CCDC69: variants seen among roughly 807,000 people sequenced by gnomAD.
CCDC69 encodes coiled-coil domain-containing protein 69.
In CCDC69, 38 loss-of-function variants were observed where a neutral mutation model predicts 40.3. The observed-to-expected ratio is 0.94, with a 90% CI of 0.73 to 1.24. The LOEUF (loss-of-function observed/expected upper bound fraction) is 1.24, where lower values mean the gene tolerates loss of function less well. CCDC69 is among the 50% of genes most tolerant of loss of function. The probability of loss-of-function intolerance (pLI) is 0.00; values close to 1 mark genes in which losing one functional copy is unlikely to be tolerated. For missense variants in CCDC69, 389 were observed against 357.9 expected, an observed-to-expected ratio of 1.09 and a Z score of -0.70; for synonymous variants, 141 against 138.9, an observed-to-expected ratio of 1.02 and a Z score of -0.11.
intron 4 of CCDC69, among the ~76,000 whole-genome samples, chr5:151,194,694 A>G (rs150984922): frequency 6.6e-6 from 1 of 152,144 alleles, no homozygotes; most frequent in African/African-American, 2.4e-5. Context: ...GGAGTTGAAG[A>G]CCAGCCTGAC....
chr5:151,206,875 C>A (rs1045809551), intron 1 of CCDC69, among the ~76,000 whole-genome samples: 3 of 151,856 alleles, frequency 2.0e-5, no homozygotes, highest in Non-Finnish European at 4.4e-5. Flanking sequence ...TGTGATCTAC[C>A]CGCCTCAGCC....
chr5:151,198,222 G>C, intron 4 of CCDC69, among the ~76,000 whole-genome samples: 1 of 152,094 alleles, frequency 6.6e-6, no homozygotes, highest in East Asian at 1.9e-4. Flanking sequence ...ACTTCTTCAA[G>C]GTTACAGAGC....
chr5:151,198,777 A>C, intron 4 of CCDC69: 3 of 454,352 alleles, frequency 6.6e-6, no homozygotes, highest in Non-Finnish European at 1.2e-5. Flanking sequence ...ATACCTCTCA[A>C]ATAAGGAAAA....
intron 2 of CCDC69, among the ~76,000 whole-genome samples, chr5:151,203,434 T>C (rs1050415205): frequency 1.3e-5 from 2 of 151,052 alleles, no homozygotes; most frequent in African/African-American, 4.9e-5. Context: ...TGCTTGAACC[T>C]GGGAGGCGGA....
chr5:151,198,996 C>T lies in CCDC69; in HGVS notation c.319+1G>A, dbSNP rs1158615426. The T allele has an allele frequency of 1.2e-6, 2 of 1,613,342 alleles. No homozygotes were observed. On this transcript the variant is annotated splice_donor_variant, in intron 4 of 8. Coordinates refer to ENST00000355417, the MANE Select transcript of CCDC69 (RefSeq NM_015621.3). LOFTEE classifies it high-confidence loss of function. ...GGCCAGTGGAACATCTCTACCCTTA[C>T]CTTGCAGGGCCTCTTCATTCTTTCC...
intron 1 of CCDC69, among the ~76,000 whole-genome samples, chr5:151,216,675 C>T (rs1471580207): frequency 6.6e-6 from 1 of 152,090 alleles, no homozygotes; most frequent in Non-Finnish European, 1.5e-5. Flanking sequence ...CTCAGTCTCC[C>T]AAAGTGCAGG....
intron 4 of CCDC69, among the ~76,000 whole-genome samples, chr5:151,197,753 G>A (rs1752720278): frequency 6.6e-6 from 1 of 152,194 alleles, no homozygotes; most frequent in Non-Finnish European, 1.5e-5. Context: ...ATGTGACAAA[G>A]ATGTTATAAA....
chr5:151,194,891 C>CA (rs59836328), intron 4 of CCDC69, among the ~76,000 whole-genome samples: 23,004 of 92,138 alleles, frequency 0.25, 2,967 homozygotes, highest in African/African-American at 0.32. Context: ...GCCTCCATCT[C>CA]AAAAAAAAAA....
intron 1 of CCDC69, 99 bp from the exon 2 acceptor site, chr5:151,205,574 C>T: frequency 1.0e-6 from 1 of 959,274 alleles, no homozygotes; most frequent in Non-Finnish European, 1.7e-6. Context: ...CAAGGCAGGA[C>T]CTTCAGTTAC....
intron 1 of CCDC69, among the ~76,000 whole-genome samples, chr5:151,209,907 T>C (rs1208089078): frequency 3.9e-5 from 6 of 152,180 alleles, no homozygotes; most frequent in Non-Finnish European, 7.3e-5. Flanking sequence ...AAATTATTTA[T>C]AAACATCTTC....
intron 4 of CCDC69, among the ~76,000 whole-genome samples, chr5:151,192,936 A>T (rs529435839): frequency 3.9e-5 from 6 of 152,342 alleles, no homozygotes; most frequent in South Asian, 2.1e-4. Context: ...AAAATAAAAA[A>T]TACCAAACAA....
At chr5:151,191,357 A>T (rs248436) in intron 4 of CCDC69, among the ~76,000 whole-genome samples, 7 of 152,070 alleles carry the variant, frequency 4.6e-5, no homozygotes, top group Non-Finnish European at 1.0e-4. Context: ...CTGAATACTA[A>T]CATTAACCAA....
intron 5 of CCDC69, among the ~76,000 whole-genome samples, chr5:151,187,142 T>C (rs558950151): frequency 6.6e-6 from 1 of 152,326 alleles, no homozygotes; most frequent in South Asian, 2.1e-4. Flanking sequence ...ACTTGGCCCA[T>C]GCCTCTCCAA....
intron 1 of CCDC69, among the ~76,000 whole-genome samples, chr5:151,208,609 T>A (rs1303485202): frequency 1.3e-5 from 2 of 152,212 alleles, no homozygotes; most frequent in African/African-American, 4.8e-5. Flanking sequence ...GGAGGAAGCC[T>A]GGTCCAGGCA....
intron 4 of CCDC69, among the ~76,000 whole-genome samples, chr5:151,195,491 C>T (rs1171493054): frequency 1.3e-5 from 2 of 151,996 alleles, no homozygotes; most frequent in African/African-American, 2.4e-5. Flanking sequence ...GAGGCCGAGG[C>T]AGGCGGATTA....
chr5:151,199,256 G>A lies in CCDC69; in HGVS notation c.232-172C>T, dbSNP rs1397684353. On this transcript the variant is annotated intron_variant, in intron 3 of 8. Coordinates refer to ENST00000355417, the MANE Select transcript of CCDC69 (RefSeq NM_015621.3). ...ACAAGACTTCCAAGACACAGCAAGC[G>A]TGGCAGAATTTGCCTTCTTTAGGGT... Among the ~76,000 whole-genome samples, 6 of 152,148 alleles carry A rather than the reference G, an allele frequency of 3.9e-5. 1 individual carries two copies. Among genetic ancestry groups the A allele is most frequent in the Non-Finnish European group, 5.9e-5 (4 of 68,032 alleles).
chr5:151,206,653 T>C (rs1752856926), intron 1 of CCDC69, among the ~76,000 whole-genome samples: 4 of 151,776 alleles, frequency 2.6e-5, no homozygotes, highest in Admixed American at 2.6e-4. Flanking sequence ...TGATCTCGGC[T>C]CACTGCAACC....
At chr5:151,189,115 T>A (rs1005550008) in intron 4 of CCDC69, among the ~76,000 whole-genome samples, 5 of 152,236 alleles carry the variant, frequency 3.3e-5, no homozygotes, top group Non-Finnish European at 4.4e-5. Flanking sequence ...ACTGAGATCC[T>A]ATAGATGTAG....
intron 1 of CCDC69, among the ~76,000 whole-genome samples, chr5:151,207,902 A>G (rs1177039161): frequency 6.6e-6 from 1 of 152,122 alleles, no homozygotes; most frequent in Non-Finnish European, 1.5e-5. Flanking sequence ...GAAAGGAAGG[A>G]AAAAAGGAAG....
Sources: gnomAD v4.1 joint callset for allele counts (sites outside exome capture counted in the v4.1 genomes callset) on GRCh38, gnomAD v4.1.1 for gene constraint, MANE v1.5 for transcripts, NCBI Gene and HGNC (gene_info 2026-07-23, HGNC 2026-07-21) for gene names.